The following COLGALT1 variants were observed in gnomAD, a reference collection of about 807,000 sequenced individuals.
COLGALT1 encodes collagen beta(1-O)galactosyltransferase 1, also known as procollagen galactosyltransferase 1.
In COLGALT1, 43 loss-of-function variants were observed where a neutral mutation model predicts 60.8. The observed-to-expected ratio is 0.71, with a 90% confidence interval of 0.55 to 0.91. The LOEUF is 0.91. Among genes scored for constraint, COLGALT1 ranks in the 40% least tolerant of loss-of-function variants. The pLI, the probability that COLGALT1 is intolerant of heterozygous loss-of-function variation, is 0.00. For missense variants in COLGALT1, 845 were observed against 880.0 expected (o/e 0.96, Z 0.50); for synonymous variants, 369 against 374.2 (o/e 0.99, Z 0.16).
chr19:17,559,216 A>AG (rs1420062863), intron 1 of COLGALT1, 95 bp from the exon 2 acceptor site: 5 of 801,276 alleles, frequency 6.2e-6, no homozygotes, highest in African/African-American at 1.7e-5. Flanking sequence ...AGCTGGTGGG[A>AG]GGCCAGTTGG....
At chr19:17,559,944 T>C (rs540093860) in intron 2 of COLGALT1, among the ~76,000 whole-genome samples, 1 of 152,058 alleles carries the variant, frequency 6.6e-6, no homozygotes, top group Non-Finnish European at 1.5e-5. Flanking sequence ...CATGTAACCA[T>C]GCCTAGCTAA....
intron 5 of COLGALT1, among the ~76,000 whole-genome samples, chr19:17,568,959 T>C (rs1346509882): frequency 2.0e-5 from 3 of 152,142 alleles, no homozygotes; most frequent in Non-Finnish European, 4.4e-5. Flanking sequence ...TCAGGCAGAG[T>C]GGCTTATGCC....
chr19:17,560,894 G>A (rs753217095), intron 3 of COLGALT1, among the ~76,000 whole-genome samples: 1 of 150,752 alleles, frequency 6.6e-6, no homozygotes, highest in Non-Finnish European at 1.5e-5. Context: ...CACCACGCCC[G>A]GCTAATTTTT....
At chr19:17,579,690 G>C (rs1189277495) in intron 10 of COLGALT1, 81 bp downstream of exon 10, 4 of 1,410,062 alleles carry the variant, frequency 2.8e-6, no homozygotes, top group Non-Finnish European at 3.9e-6. Context: ...GGGCAGGGTG[G>C]AGCTGGGACC....
rs143174645 is a variant in COLGALT1 at position 17,568,378 on chromosome 19, G to A, written c.625-131G>A. 2.2e-3 allele frequency: 1,667 copies of A among 768,736 alleles called. 8 individuals carry two copies. The highest frequency in any genetic ancestry group is 3.8e-3 in the South Asian group (246 of 64,946). 47.6% of individuals were successfully genotyped at this position (768,736 alleles called of 1,614,324 possible). On this transcript the variant is annotated intron_variant, in intron 4 of 11. Transcript: ENST00000252599. ...GTCCCACACTGGGCTTGAGTCTGGG[G>A]TCCTGGGACCACAGGCGCACACTGC...
Position 17,582,890 on chromosome 19 carries a change from C to T in COLGALT1, c.*1446C>T, listed in dbSNP as rs2076393591. ...ACTCCCGGTCCCCTGTGCTTTACCT[C>T]CTTGCCCTTGTGTCTCAGGTGTGGT... On this transcript the variant is annotated 3_prime_UTR_variant, in exon 12 of 12. Transcript: ENST00000252599. 6.6e-6 allele frequency: 1 copy of T among 152,460 alleles called. No homozygotes were observed. The highest frequency in any genetic ancestry group is 2.4e-5 in the African/African-American group (1 of 41,462). 9.4% of individuals were successfully genotyped at this position (152,460 alleles called of 1,614,324 possible). A position where few individuals can be genotyped will look rare whatever the true frequency, so the allele number is the denominator to read the frequency against.
intron 6 of COLGALT1, among the ~76,000 whole-genome samples, chr19:17,576,644 G>A (rs1176749181): frequency 6.9e-5 from 10 of 145,758 alleles, no homozygotes; most frequent in Admixed American, 5.5e-4. Flanking sequence ...GGGGGTCGGA[G>A]CGAAGCTGTT....
At chr19:17,575,308 C>G (rs552675926) in intron 6 of COLGALT1, among the ~76,000 whole-genome samples, 3 of 152,126 alleles carry the variant, frequency 2.0e-5, no homozygotes, top group East Asian at 1.9e-4. Flanking sequence ...TGCAGTGGCC[C>G]GATCTCGGCT....
At chr19:17,569,602 C>T (rs961916526) in intron 5 of COLGALT1, among the ~76,000 whole-genome samples, 1 of 151,758 alleles carries the variant, frequency 6.6e-6, no homozygotes, top group African/African-American at 2.4e-5. Context: ...ATGTCTGGCT[C>T]ATTTTTATAT....
In COLGALT1 at chr19:17,581,748, A is replaced by G; in HGVS notation, c.*304A>G. 2.3e-6 allele frequency: 1 copy of G among 431,816 alleles called. No individual in the cohort carries two copies. The highest frequency in any genetic ancestry group is 4.2e-6 in the Non-Finnish European group (1 of 236,352). 26.7% of individuals were successfully genotyped at this position (431,816 alleles called of 1,614,324 possible). A position where few individuals can be genotyped will look rare whatever the true frequency, so the allele number is the denominator to read the frequency against. ...GCAAGGTTCCCATGTTACGGCAGTG[A>G]ATGAGGCATAATTGTTCCCTCCATC... On this transcript the variant is annotated 3_prime_UTR_variant, in exon 12 of 12. Coordinates refer to ENST00000252599, the MANE Select transcript of COLGALT1 (RefSeq NM_024656.4).
rs749560380 is a variant in COLGALT1 at position 17,577,206 on chromosome 19, C to T, written c.961C>T (p.Pro321Ser). 133 of 1,613,060 alleles carry T rather than the reference C, an allele frequency of 8.2e-5. No individual in the cohort carries two copies. The highest frequency in any genetic ancestry group is 8.8e-5 in the Non-Finnish European group (104 of 1,179,624). ...TCTGTGCCCCACAGTGAAGCACCCG[C>T]CCGCAGAGCCCTCCCGCTTCATCTC... ...VQLEVMVKHP[P>S]AEPSRFISAP... The change falls in exon 7 of 12, where the codon CCC (proline) becomes TCC (serine). Residue 321 changes from proline to serine, a missense_variant. Transcript: ENST00000252599.
chr19:17,570,773 C>A (rs1308030440), intron 5 of COLGALT1, among the ~76,000 whole-genome samples: 1 of 151,912 alleles, frequency 6.6e-6, no homozygotes, highest in African/African-American at 2.4e-5. Context: ...GCCTGTTGGC[C>A]AGGCTGGTCT....
chr19:17,575,002 G>A (rs1343128441), intron 6 of COLGALT1, among the ~76,000 whole-genome samples: 2 of 152,118 alleles, frequency 1.3e-5, no homozygotes, highest in Admixed American at 6.6e-5. Flanking sequence ...GACCACAGGT[G>A]CATGCCACTA....
In COLGALT1 at chr19:17,567,554, C is replaced by CTGGGGACTG; in HGVS notation, c.624+24_624+32dup. ...ATGACTTCCCAGGTAGAGTGAGGGCCTGGGGACTGTGGGGACTGGGCTGAG... is the reference window on the plus strand; with the variant it reads ...ATGACTTCCCAGGTAGAGTGAGGGCCTGGGGACTGTGGGGACTGTGGGGACTGGGCTGAG... On this transcript the variant is annotated intron_variant, in intron 4 of 11. Coordinates refer to ENST00000252599, the MANE Select transcript of COLGALT1 (RefSeq NM_024656.4). 6.2e-7 allele frequency: 1 copy of CTGGGGACTG among 1,610,246 alleles called. No homozygotes were observed. The highest frequency in any genetic ancestry group is 8.5e-7 in the Non-Finnish European group (1 of 1,178,238).
At chr19:17,574,840 G>C (rs2076332205) in intron 6 of COLGALT1, among the ~76,000 whole-genome samples, 1 of 151,922 alleles carries the variant, frequency 6.6e-6, no homozygotes, top group Non-Finnish European at 1.5e-5. Context: ...CCCAGTTTAA[G>C]TTCTCACATA....
chr19:17,558,909 C>G lies in COLGALT1; in HGVS notation c.261-402C>G, dbSNP rs183414236. Among the ~76,000 whole-genome samples, 828 of 152,066 alleles carry G rather than the reference C, an allele frequency of 5.4e-3. 6 individuals are homozygous for G. The highest frequency in any genetic ancestry group is 1.0e-2 in the Non-Finnish European group (678 of 67,990). ...GCGCGGTGGCTCACGCTTGTTAAGT[C>G]CAGCACTTTGGGAGGCCAAGGTGGG... On this transcript the variant is annotated intron_variant, in intron 1 of 11. Transcript: ENST00000252599.
At chr19:17,564,012 G>A (rs1216944031) in intron 3 of COLGALT1, among the ~76,000 whole-genome samples, 1 of 151,550 alleles carries the variant, frequency 6.6e-6, no homozygotes, top group African/African-American at 2.4e-5. Flanking sequence ...AATGTGGGAG[G>A]ATCATTTGAG....
At chr19:17,573,033 C>T (rs1568479051) in intron 6 of COLGALT1, among the ~76,000 whole-genome samples, 3 of 152,006 alleles carry the variant, frequency 2.0e-5, no homozygotes, top group African/African-American at 7.3e-5. Context: ...AGGGACCTTC[C>T]CCCTGAGGAC....
At chr19:17,577,073 C>CCAGGTCGA in intron 6 of COLGALT1, 122 bp from the exon 7 acceptor site, 1 of 901,362 alleles carries the variant, frequency 1.1e-6, no homozygotes, top group African/African-American at 1.7e-5. Context: ...GTGGGCGGAG[C>CCAGGTCGA]CAGGTCGACT....
Sources: gnomAD v4.1 joint callset for allele counts (sites outside exome capture counted in the v4.1 genomes callset) on GRCh38, gnomAD v4.1.1 for gene constraint, MANE v1.5 for transcripts, NCBI Gene and HGNC (gene_info 2026-07-23, HGNC 2026-07-21) for gene names.